The following FCRL4 variants were observed in gnomAD, a reference collection of about 807,000 sequenced individuals.
The protein encoded by FCRL4 is Fc receptor like 4.
FCRL4 carries 43 observed loss-of-function variants against 64.1 expected under a neutral mutation model. The ratio of observed to expected loss-of-function variants is 0.67; its 90% confidence interval spans 0.53 to 0.87. The LOEUF is 0.87. FCRL4 is among the 40% of genes least tolerant of loss of function. The pLI is 0.00. For missense variants in FCRL4, 656 were observed against 613.5 expected (o/e 1.07, Z -0.73); for synonymous variants, 253 against 239.8 (o/e 1.05, Z -0.51).
chr1:157,588,091 A>T lies in FCRL4; in HGVS notation c.336T>A (p.Ser112=). The T allele has an allele frequency of 6.2e-7, 1 of 1,613,786 alleles. No homozygotes were observed. Among genetic ancestry groups the T allele is most frequent in the South Asian group, 1.1e-5 (1 of 90,972 alleles). ...SDSLILQAPY[S]VFEGDTLVLR... is the part of the protein sequence containing the mutation. The stretch of plus-strand genomic sequence containing the variant: ...GAACCAATGTGTCACCTTCAAACAC[A>T]GAATATGGTGCCTGCAGGATTAAGG... Residue 112 remains serine, a synonymous_variant, in exon 4 of 12, where the codon TCT becomes TCA. Transcript: ENST00000271532.
At position 157,581,608 on chromosome 1, in the gene FCRL4, C is replaced by A. The variant is rs780458918; in HGVS notation, c.1172G>T (p.Gly391Val). 6.2e-7 allele frequency: 1 copy of A among 1,614,078 alleles called. No individual in the cohort carries two copies. Among genetic ancestry groups the A allele is most frequent in the South Asian group, 1.1e-5 (1 of 91,076 alleles). Reference protein sequence around the residue: ...PGNRDGLVAAGATGGLLSALL... With the variant: ...PGNRDGLVAAVATGGLLSALL... Reference sequence around the variant, plus strand: ...AGCACTGAGCAGCCCTCCAGTGGCTCCCGCGGCGACAAGGCCATCTCTGTT... The same window carrying A: ...AGCACTGAGCAGCCCTCCAGTGGCTACCGCGGCGACAAGGCCATCTCTGTT... The change falls in exon 7 of 12, where the codon GGA (glycine) becomes GTA (valine). Residue 391 changes from glycine to valine, a missense_variant. Gly to Val is a moderately radical substitution (Grantham distance 109). Coordinates refer to ENST00000271532, the MANE Select transcript of FCRL4 (RefSeq NM_031282.3).
At position 157,581,546 on chromosome 1, in the gene FCRL4, G is replaced by T. The variant is rs146153860; in HGVS notation, c.1234C>A (p.Arg412Ser). Residue 412 changes from arginine to serine, a missense_variant, in exon 7 of 12, where the codon CGT (arginine) becomes AGT (serine). By Grantham distance (110) the Arg-to-Ser change is moderately radical (BLOSUM62 -1). Coordinates refer to ENST00000271532, the MANE Select transcript of FCRL4 (RefSeq NM_031282.3). Reference sequence around the variant, plus strand: ...GAGCACAAACCTGACTTCCTCCGACGCCAGCAGTGAAACAGCAGGGCCACA... The same window carrying T: ...GAGCACAAACCTGACTTCCTCCGACTCCAGCAGTGAAACAGCAGGGCCACA... ...LAVALLFHCW[R>S]RRKSGVGFLG... The T allele has an allele frequency of 1.2e-5, 19 of 1,613,760 alleles. No individual in the cohort carries two copies. Among genetic ancestry groups the T allele is most frequent in the Non-Finnish European group, 1.3e-5 (15 of 1,179,884 alleles).
At chr1:157,578,225 G>T (rs188654677) in intron 10 of FCRL4, among the ~76,000 whole-genome samples, 3 of 152,170 alleles carry the variant, frequency 2.0e-5, no homozygotes, top group Admixed American at 2.0e-4. Context: ...ACACTATAAT[G>T]ATCACAATAT....
At chr1:157,581,716 G>T in intron 6 of FCRL4, 72 bp from the exon 7 acceptor site, 2 of 1,187,098 alleles carry the variant, frequency 1.7e-6, no homozygotes, top group Non-Finnish European at 2.5e-6. Context: ...CCTCAGCTTG[G>T]TTGGGTAACG....
chr1:157,587,848 T>C lies in FCRL4; in HGVS notation c.562+17A>G. On this transcript the variant is annotated intron_variant, in intron 4 of 11. Transcript: ENST00000271532. ...CCTGTCATTACTAAGCAAATCTATA[T>C]GAACTGAAAGATTCACCTTGAATTT... 3 of 1,594,958 alleles carry C rather than the reference T, an allele frequency of 1.9e-6. No individual in the cohort carries two copies. Among genetic ancestry groups the C allele is most frequent in the Non-Finnish European group, 2.6e-6 (3 of 1,165,890 alleles).
intron 8 of FCRL4, among the ~76,000 whole-genome samples, chr1:157,579,478 A>T (rs1055586548): frequency 2.6e-5 from 4 of 152,304 alleles, no homozygotes; most frequent in Non-Finnish European, 5.9e-5. Context: ...GCACTTTGGG[A>T]GGCCGAGGCG....
intron 2 of FCRL4, among the ~76,000 whole-genome samples, chr1:157,590,346 C>T (rs911692423): frequency 1.3e-5 from 2 of 152,062 alleles, no homozygotes; most frequent in African/African-American, 4.8e-5. Flanking sequence ...TTCTTTTGAT[C>T]ATCATGTCAG....
At chr1:157,585,340 C>CTCTCTCTCTCTTTCTT in intron 6 of FCRL4, among the ~76,000 whole-genome samples, 1 of 99,542 alleles carries the variant, frequency 1.0e-5, no homozygotes, top group East Asian at 3.8e-4. Context: ...CTTTCTTTCT[C>CTCTCTCTCTCTTTCTT]TCTCTCTTTC....
chr1:157,594,422 A>T (rs1029976429), intron 2 of FCRL4, among the ~76,000 whole-genome samples: 5 of 152,244 alleles, frequency 3.3e-5, no homozygotes, highest in Non-Finnish European at 7.3e-5. Context: ...GAACAAAGTC[A>T]TGATGCCTGG....
At chr1:157,578,700 C>T in intron 9 of FCRL4, 70 bp downstream of exon 9, 4 of 1,520,920 alleles carry the variant, frequency 2.6e-6, no homozygotes, top group African/African-American at 1.4e-5. Flanking sequence ...AGGGGCATTT[C>T]CCAGGGCTGA....
chr1:157,575,831 T>G, intron 10 of FCRL4, 101 bp from the exon 11 acceptor site: 1 of 1,011,092 alleles, frequency 9.9e-7, no homozygotes, highest in Non-Finnish European at 1.6e-6. Context: ...CTGGGCCCTG[T>G]CCACCTCATC....
rs368389272 is a variant in FCRL4 at position 157,578,546 on chromosome 1, G to T, written c.1361-4C>A. 6.2e-7 allele frequency: 1 copy of T among 1,612,910 alleles called. No homozygotes were observed. The highest frequency in any genetic ancestry group is 1.3e-5 in the African/African-American group (1 of 75,022). On this transcript the variant is annotated splice_region_variant and splice_polypyrimidine_tract_variant and intron_variant, in intron 9 of 11. Coordinates refer to ENST00000271532, the MANE Select transcript of FCRL4 (RefSeq NM_031282.3). ...AAATCTCCCTTTTTGGGGTGTACTGGAAAGAAAAGACATTTTCAAGGCTGT... is the reference window on the plus strand; with the variant it reads ...AAATCTCCCTTTTTGGGGTGTACTGTAAAGAAAAGACATTTTCAAGGCTGT...
Position 157,587,927 on chromosome 1 carries a change from C to T in FCRL4, c.500G>A (p.Cys167Tyr), listed in dbSNP as rs376343833. 2 of 1,611,246 alleles carry T rather than the reference C, an allele frequency of 1.2e-6. No homozygotes were observed. Among genetic ancestry groups the T allele is most frequent in the Non-Finnish European group, 1.7e-6 (2 of 1,178,008 alleles). The change falls in exon 4 of 12, where the codon TGC (cysteine) becomes TAC (tyrosine). Residue 167 changes from cysteine to tyrosine, a missense_variant. By Grantham distance (194) the Cys-to-Tyr change is radical (BLOSUM62 -2). Coordinates refer to ENST00000271532, the MANE Select transcript of FCRL4 (RefSeq NM_031282.3). The part of the protein sequence containing the change: ...ASSNNNGNYR[C>Y]IGYGDENDVF... ...ATCATTCTCGTCTCCATATCCAATG[C>T]ATCGATAATTGCCATTGTTATTTGA...
intron 2 of FCRL4, among the ~76,000 whole-genome samples, chr1:157,591,661 A>G (rs1652842789): frequency 7.9e-5 from 12 of 152,230 alleles, no homozygotes. Context: ...CTCTTGTGAC[A>G]GTAAAATACT....
chr1:157,590,997 C>T (rs12070096), intron 2 of FCRL4, among the ~76,000 whole-genome samples: 8 of 152,114 alleles, frequency 5.3e-5, no homozygotes, highest in Non-Finnish European at 1.2e-4. Context: ...AGAGTGGTTC[C>T]CCAAATATAC....
In FCRL4 at chr1:157,586,364, A is replaced by T. The variant is rs746324028; in HGVS notation, c.939T>A (p.Ala313=). ...GEMLVLVCSV[A]EGTGDTTFSW... is the part of the protein sequence containing the mutation. ...AGAATGTGGTATCCCCTGTGCCTTC[A>T]GCCACGGAGCAGACAAGGACCAGCA... is the stretch of plus-strand genomic sequence containing the variant. The change falls in exon 6 of 12, where the codon GCT becomes GCA. Residue 313 remains alanine, a synonymous_variant. Transcript: ENST00000271532. 2.3e-5 allele frequency: 37 copies of T among 1,613,456 alleles called. No individual in the cohort carries two copies. The highest frequency in any genetic ancestry group is 3.1e-5 in the Non-Finnish European group (36 of 1,179,994).
intron 5 of FCRL4, 37 bp downstream of exon 5, chr1:157,587,239 G>A: frequency 6.2e-7 from 1 of 1,602,834 alleles, no homozygotes; most frequent in Non-Finnish European, 8.5e-7. Context: ...AAGGGGCAGA[G>A]AGAGGCAGGG....
At chr1:157,578,267 T>C (rs1185176463) in intron 10 of FCRL4, among the ~76,000 whole-genome samples, 1 of 152,188 alleles carries the variant, frequency 6.6e-6, no homozygotes, top group African/African-American at 2.4e-5. Context: ...TTCATCCTGA[T>C]CATCAGCAAA....
intron 7 of FCRL4, chr1:157,580,672 A>G: frequency 3.1e-6 from 1 of 324,676 alleles, no homozygotes; most frequent in Non-Finnish European, 5.8e-6. Context: ...AACTTCGAGG[A>G]ACATCTGTGG....
Sources: allele counts gnomAD v4.1 joint callset (sites outside exome capture counted in the v4.1 genomes callset), GRCh38; gene constraint gnomAD v4.1.1; transcripts MANE v1.5; gene names NCBI Gene and HGNC (gene_info 2026-07-23, HGNC 2026-07-21).